Variants in ZHX3 observed in about 807,000 individuals in gnomAD.
The protein encoded by ZHX3 is zinc fingers and homeoboxes protein 3.
In ZHX3, 20 loss-of-function variants were observed where a neutral mutation model predicts 64.5. The ratio of observed to expected loss-of-function variants is 0.31; its 90% CI spans 0.22 to 0.45. The LOEUF (loss-of-function observed/expected upper bound fraction) is 0.45, where lower values mean the gene tolerates loss of function less well. ZHX3 is among the 20% of genes least tolerant of loss of function. The pLI is 1.00. For missense variants in ZHX3, 1,041 were observed against 1,195.8 expected, an observed-to-expected ratio of 0.87 and a Z score of 1.91; for synonymous variants, 423 against 461.6, an observed-to-expected ratio of 0.92 and a Z score of 1.07.
intron 3 of ZHX3, among the ~76,000 whole-genome samples, chr20:41,194,304 G>A (rs943197940): frequency 6.6e-6 from 1 of 152,056 alleles, no homozygotes; most frequent in African/African-American, 2.4e-5. Flanking sequence ...AAGTTGACTT[G>A]TTAGATGCTC....
At chr20:41,298,728 T>C (rs1264702924) in intron 1 of ZHX3, among the ~76,000 whole-genome samples, 1 of 152,112 alleles carries the variant, frequency 6.6e-6, no homozygotes, top group East Asian at 1.9e-4. Flanking sequence ...GGATAATTCA[T>C]TAGGATCACA....
chr20:41,211,932 T>C (rs2039187218), intron 2 of ZHX3, among the ~76,000 whole-genome samples: 1 of 152,162 alleles, frequency 6.6e-6, no homozygotes, highest in Non-Finnish European at 1.5e-5. Context: ...TCAGGGAAAC[T>C]AAAAATAATA....
At chr20:41,213,456 T>C (rs2039307290) in intron 2 of ZHX3, among the ~76,000 whole-genome samples, 1 of 152,194 alleles carries the variant, frequency 6.6e-6, no homozygotes, top group Admixed American at 6.5e-5. Context: ...ATATTTACTG[T>C]GGCCCTAGAG....
intron 1 of ZHX3, among the ~76,000 whole-genome samples, chr20:41,311,348 T>C (rs867748782): frequency 2.6e-5 from 4 of 152,278 alleles, no homozygotes; most frequent in Middle Eastern, 6.8e-3. Context: ...CATTTACAGC[T>C]GAAAAAACAG....
chr20:41,267,197 ATATTT>A (rs2042904407), intron 2 of ZHX3, among the ~76,000 whole-genome samples: 1 of 152,236 alleles, frequency 6.6e-6, no homozygotes, highest in East Asian at 1.9e-4. Flanking sequence ...CATTAGTTTA[ATATTT>A]TATGTCTTTT....
intron 1 of ZHX3, among the ~76,000 whole-genome samples, chr20:41,303,608 C>T (rs1343106319): frequency 4.6e-5 from 7 of 152,210 alleles, no homozygotes; most frequent in Non-Finnish European, 1.5e-5. Flanking sequence ...ATAGCCTTTC[C>T]TCTTTCCACA....
chr20:41,180,999 C>T lies in ZHX3; in HGVS notation c.*4192G>A, dbSNP rs2036231143. On this transcript the variant is annotated 3_prime_UTR_variant, in exon 4 of 4. Transcript: ENST00000683867. The stretch of plus-strand genomic sequence containing the variant: ...TGAGCTCCACAACTGCCCATTTGCT[C>T]AGACAATGGAGCTTTTCTGAGATCA... 6.6e-6 allele frequency: 1 copy of T among 152,288 alleles called. No homozygotes were observed. Among genetic ancestry groups the T allele is most frequent in the African/African-American group, 2.4e-5 (1 of 41,452 alleles). 9.4% of individuals were successfully genotyped at this position (152,288 alleles called of 1,614,324 possible).
At chr20:41,186,478 CCT>C (rs763288448) in intron 3 of ZHX3, among the ~76,000 whole-genome samples, 1 of 152,160 alleles carries the variant, frequency 6.6e-6, no homozygotes, top group Admixed American at 6.5e-5. Context: ...TATGTGAGTC[CCT>C]GTTTTCAGTC....
At chr20:41,269,921 T>G (rs933001630) in intron 1 of ZHX3, among the ~76,000 whole-genome samples, 1 of 152,044 alleles carries the variant, frequency 6.6e-6, no homozygotes, top group Non-Finnish European at 1.5e-5. Flanking sequence ...TGGCTTAACT[T>G]CTTAACACCA....
chr20:41,282,361 C>CTTTTTTTTTTTTTTTTTTTTTTT lies in ZHX3; in HGVS notation c.-244-13279_-244-13278insAAAAAAAAAAAAAAAAAAAAAAA, dbSNP rs568284480. Among the ~76,000 whole-genome samples, 21 of 97,202 alleles carry CTTTTTTTTTTTTTTTTTTTTTTT rather than the reference C, an allele frequency of 2.2e-4. 2 individuals are homozygous for CTTTTTTTTTTTTTTTTTTTTTTT. Among genetic ancestry groups the CTTTTTTTTTTTTTTTTTTTTTTT allele is most frequent in the Non-Finnish European group, 2.9e-4 (15 of 50,928 alleles). 63.8% of individuals were successfully genotyped at this position (97,202 alleles called of 152,430 possible). A position where few individuals can be genotyped will look rare whatever the true frequency, so the allele number is the denominator to read the frequency against. On this transcript the variant is annotated intron_variant, in intron 1 of 3. Coordinates refer to ENST00000683867, the MANE Select transcript of ZHX3 (RefSeq NM_001384317.1). The stretch of plus-strand genomic sequence containing the variant: ...TAGAGGTCCATTAGACACAATTCAT[C>CTTTTTTTTTTTTTTTTTTTTTTT]TTTTTTTTTTTTTTTTTTTGCGAAG...
intron 1 of ZHX3, among the ~76,000 whole-genome samples, chr20:41,285,885 T>C (rs573022834): frequency 1.1e-4 from 17 of 152,350 alleles, no homozygotes; most frequent in African/African-American, 3.6e-4. Flanking sequence ...AATGAGATGA[T>C]ACATACAAAA....
At position 41,204,967 on chromosome 20, in the gene ZHX3, CTAACAA is replaced by C. The variant is rs1252461236; in HGVS notation, c.-57_-52del. 6.7e-7 allele frequency: 1 copy of C among 1,487,344 alleles called. No individual in the cohort carries two copies. Among genetic ancestry groups the C allele is most frequent in the African/African-American group, 1.4e-5 (1 of 71,270 alleles). 92.1% of individuals were successfully genotyped at this position (1,487,344 alleles called of 1,614,324 possible). On this transcript the variant is annotated 5_prime_UTR_variant, in exon 3 of 4. Coordinates refer to ENST00000683867, the MANE Select transcript of ZHX3 (RefSeq NM_001384317.1). This position sits in a 1 kb window ranked among gnomAD's most constrained non-coding sequence, Gnocchi z 6.6. ...GTTGAGAGCTTGTCCCATAAGGGGC[CTAACAA>C]TACAAGTTCCAGCTTCTCGATGAGG...
rs770194809 is a variant in ZHX3, at chr20:41,203,431, T to TGCTA, written c.1482_1485dup (p.Ile496Ter). 1 of 1,614,198 alleles carries TGCTA rather than the reference T, an allele frequency of 6.2e-7. No individual in the cohort carries two copies. Among genetic ancestry groups the TGCTA allele is most frequent in the Non-Finnish European group, 8.5e-7 (1 of 1,180,040 alleles). ...TCATGAGATTTCTTATTTTTGTAGATGCTAGCATCAAGGAAGGCTTGGGAG... is the reference window on the plus strand; with the variant it reads ...TCATGAGATTTCTTATTTTTGTAGATGCTAGCTAGCATCAAGGAAGGCTTGGGAG... On this transcript the variant is annotated stop_gained and frameshift_variant, in exon 3 of 4. Transcript: ENST00000683867. LOFTEE classifies it high-confidence loss of function. The surrounding 1 kb of genome is among the most constrained non-coding windows in gnomAD (Gnocchi z 7.1).
Position 41,212,856 on chromosome 20 carries a change from T to C in ZHX3, c.-150-7790A>G, listed in dbSNP as rs1270445120. On this transcript the variant is annotated intron_variant, in intron 2 of 3. Transcript: ENST00000683867. This position sits in a 1 kb window ranked among gnomAD's most constrained non-coding sequence, Gnocchi z 4.3. ...AAAAACAAAACACCAGCAATTTAAT[T>C]CCTAAGTATATACACAGTATAAATA... Among the ~76,000 whole-genome samples the C allele has an allele frequency of 2.6e-5, 4 of 151,376 alleles. No individual in the cohort carries two copies. Among genetic ancestry groups the C allele is most frequent in the Non-Finnish European group, 5.9e-5 (4 of 67,874 alleles).
At chr20:41,295,375 G>A (rs1257983577) in intron 1 of ZHX3, among the ~76,000 whole-genome samples, 18 of 151,982 alleles carry the variant, frequency 1.2e-4, no homozygotes, top group Admixed American at 1.2e-3. Flanking sequence ...AGGTTACATA[G>A]CAACATGGAA....
intron 3 of ZHX3, among the ~76,000 whole-genome samples, chr20:41,191,521 C>T (rs576910023): frequency 1.4e-4 from 22 of 152,276 alleles, no homozygotes; most frequent in African/African-American, 5.3e-4. Flanking sequence ...TTATTGGAAT[C>T]TATTGCAGGA....
rs2073143697 is a variant in ZHX3, at chr20:41,204,525, CAT to C, written c.390_391del (p.Cys131SerfsTer26). 2 of 1,614,082 alleles carry C rather than the reference CAT, an allele frequency of 1.2e-6. No homozygotes were observed. The highest frequency in any genetic ancestry group is 1.3e-5 in the African/African-American group (1 of 74,930). ...CACAAAGCTGGCTTCCCCGGAGTGA[CAT>C]GTGGCATTGTGCAAGGAAAGCCCCT... On this transcript the variant is annotated frameshift_variant, in exon 3 of 4. Transcript: ENST00000683867. LOFTEE classifies it high-confidence loss of function. The surrounding 1 kb of genome is among the most constrained non-coding windows in gnomAD (Gnocchi z 6.6).
chr20:41,257,299 C>A (rs1021886676), intron 2 of ZHX3, among the ~76,000 whole-genome samples: 1 of 152,154 alleles, frequency 6.6e-6, no homozygotes, highest in South Asian at 2.1e-4. Context: ...AGTGCAGTAT[C>A]TTGCATTGAC....
rs369826672 is a variant in ZHX3 at position 41,204,392 on chromosome 20, T to G, written c.525A>C (p.Gly175=). 1 of 1,614,206 alleles carries G rather than the reference T, an allele frequency of 6.2e-7. No homozygotes were observed. The highest frequency in any genetic ancestry group is 8.5e-7 in the Non-Finnish European group (1 of 1,180,038). Residue 175 remains glycine (G), a synonymous_variant, in exon 3 of 4, where the codon GGA becomes GGC. Coordinates refer to ENST00000683867, the MANE Select transcript of ZHX3 (RefSeq NM_001384317.1). The surrounding 1 kb of genome is among the most constrained non-coding windows in gnomAD (Gnocchi z 6.6). ...TTTTGGTAATGATGATTTCTGCCTG[T>G]CCATCAGCCCCTTCAGCACTGGGCT... The part of the protein sequence containing the change: ...AGEPSAEGAD[G]QAEIIITKTP...
Sources: allele counts gnomAD v4.1 joint callset (sites outside exome capture counted in the v4.1 genomes callset), GRCh38; gene constraint gnomAD v4.1.1; non-coding constraint Gnocchi (gnomAD v3.1); transcripts MANE v1.5; gene names NCBI Gene and HGNC (gene_info 2026-07-23, HGNC 2026-07-21).